SERINC3: variants seen among roughly 807,000 people sequenced by gnomAD.
SERINC3 encodes the protein serine incorporator 3, also known as tumor differentially expressed protein 1.
Under a neutral mutation model 52.1 loss-of-function variants are expected in SERINC3, and 22 were observed. That is an observed-to-expected ratio of 0.42 (90% CI 0.30 to 0.60). SERINC3 has a LOEUF of 0.60. SERINC3 is among the 20% of genes least tolerant of loss of function. SERINC3 has a pLI of 0.16. For synonymous variants in SERINC3, 226 were observed against 212.7 expected (o/e 1.06, Z -0.54); for missense variants, 564 against 584.6 (o/e 0.96, Z 0.36).
At chr20:44,511,228 A>T in intron 4 of SERINC3, 61 bp downstream of exon 4, 1 of 1,235,808 alleles carries the variant, frequency 8.1e-7, no homozygotes, top group Middle Eastern at 1.9e-4. Context: ...ATGTAGCTTT[A>T]ACTCAATCAT....
At chr20:44,521,677 G>T (rs1340188919) in intron 1 of SERINC3, among the ~76,000 whole-genome samples, 2 of 152,220 alleles carry the variant, frequency 1.3e-5, no homozygotes, top group Admixed American at 6.5e-5. Flanking sequence ...GGAGCCATCC[G>T]AATTGTAAAC....
intron 1 of SERINC3, among the ~76,000 whole-genome samples, chr20:44,515,649 GCTT>G (rs1011510083): frequency 1.3e-5 from 2 of 151,604 alleles, no homozygotes; most frequent in Non-Finnish European, 2.9e-5. Flanking sequence ...GCCACTATAC[GCTT>G]TTTTATTTTT....
At chr20:44,511,898 A>G (rs547409862) in intron 3 of SERINC3, among the ~76,000 whole-genome samples, 42 of 152,230 alleles carry the variant, frequency 2.8e-4, no homozygotes, top group Middle Eastern at 6.8e-3. Context: ...CTTAGCTCCA[A>G]CCTCCAACTG....
At chr20:44,504,327 T>G (rs567239598) in intron 7 of SERINC3, among the ~76,000 whole-genome samples, 11 of 152,368 alleles carry the variant, frequency 7.2e-5, no homozygotes, top group South Asian at 6.2e-4. Flanking sequence ...TTTACATAGT[T>G]ACTTAAGAAC....
rs1456431411 is a variant in SERINC3 at position 44,503,971 on chromosome 20, A to G, written c.899T>C (p.Met300Thr). Residue 300 changes from methionine to threonine, a missense_variant, in exon 8 of 10, where the codon ATG becomes ACG. By Grantham distance (81) the Met-to-Thr change is moderately conservative (BLOSUM62 -1). Transcript: ENST00000342374. The part of the protein sequence containing the change: ...EPDRSCNPNL[M>T]SFITRITAPT... ...TGCAGTTATGCGTGTAATAAAGCTC[A>G]TCAGGTTGGGATTGCAGGAACGATC... The G allele has an allele frequency of 2.5e-6, 4 of 1,592,342 alleles. No homozygotes were observed. The highest frequency in any genetic ancestry group is 3.4e-6 in the Non-Finnish European group (4 of 1,173,394).
chr20:44,513,798 A>G, intron 2 of SERINC3, 81 bp downstream of exon 2: 2 of 1,258,212 alleles, frequency 1.6e-6, no homozygotes, highest in South Asian at 1.7e-5. Context: ...AACTTGATTA[A>G]CAACGACGAA....
chr20:44,501,142 T>C lies in SERINC3; in HGVS notation c.1214A>G (p.Tyr405Cys), dbSNP rs1218496203. 1 of 1,613,814 alleles carries C rather than the reference T, an allele frequency of 6.2e-7. No individual in the cohort carries two copies. The highest frequency in any genetic ancestry group is 1.1e-5 in the South Asian group (1 of 91,066). Residue 405 changes from tyrosine (Y) to cysteine (C), a missense_variant, in exon 9 of 10, where the codon TAC (tyrosine) becomes TGC (cysteine). Transcript: ENST00000342374. ...GCAGAGCATGAGGTGGAATAAGGAG[T>C]AGCTATACTGCACTCCCTCTTTCTC... The part of the protein sequence containing the change: ...DNEKEGVQYS[Y>C]SLFHLMLCLA...
In SERINC3 at chr20:44,503,970, C is replaced by A; in HGVS notation, c.900G>T (p.Met300Ile). Residue 300 changes from methionine to isoleucine, a missense_variant, in exon 8 of 10, where the codon ATG (methionine) becomes ATT (isoleucine). Physicochemically the swap from Met to Ile is conservative, Grantham distance 10. Transcript: ENST00000342374. The stretch of plus-strand genomic sequence containing the variant: ...GTGCAGTTATGCGTGTAATAAAGCT[C>A]ATCAGGTTGGGATTGCAGGAACGAT... Reference protein sequence around the residue: ...EPDRSCNPNLMSFITRITAPT... With the variant: ...EPDRSCNPNLISFITRITAPT... 4 of 1,592,522 alleles carry A rather than the reference C, an allele frequency of 2.5e-6. No homozygotes were observed. Among genetic ancestry groups the A allele is most frequent in the Non-Finnish European group, 3.4e-6 (4 of 1,173,534 alleles).
chr20:44,516,546 G>A (rs1251542482), intron 1 of SERINC3, among the ~76,000 whole-genome samples: 2 of 151,686 alleles, frequency 1.3e-5, no homozygotes, highest in South Asian at 2.1e-4. Context: ...TTACAGACAC[G>A]TGCCACCATG....
At chr20:44,505,101 AT>A (rs2064303190) in intron 6 of SERINC3, among the ~76,000 whole-genome samples, 1 of 152,208 alleles carries the variant, frequency 6.6e-6, no homozygotes, top group Non-Finnish European at 1.5e-5. Context: ...TTCTCAACGC[AT>A]TTCACAATCC....
intron 5 of SERINC3, among the ~76,000 whole-genome samples, chr20:44,507,726 AGGCATGGT>A (rs2064323465): frequency 1.3e-5 from 2 of 152,242 alleles, no homozygotes; most frequent in South Asian, 4.1e-4. Flanking sequence ...AAAATCAGCC[AGGCATGGT>A]GGCATAAGGC....
intron 8 of SERINC3, among the ~76,000 whole-genome samples, chr20:44,501,768 T>A (rs1024392560): frequency 6.6e-6 from 1 of 152,260 alleles, no homozygotes; most frequent in Admixed American, 6.5e-5. Flanking sequence ...ATATCACTCC[T>A]ATCTTCCTTG....
chr20:44,500,533 A>T (rs2064273114), intron 9 of SERINC3, 99 bp from the exon 10 acceptor site: 15 of 1,408,978 alleles, frequency 1.1e-5, no homozygotes, highest in Non-Finnish European at 1.5e-5. Flanking sequence ...TTCTCCAGTG[A>T]AACTTGGCTG....
At chr20:44,514,865 C>G (rs1004921808) in intron 1 of SERINC3, among the ~76,000 whole-genome samples, 2 of 152,144 alleles carry the variant, frequency 1.3e-5, no homozygotes, top group African/African-American at 4.8e-5. Context: ...GAACCAGGTT[C>G]CTCAGAAAGT....
chr20:44,520,369 C>G (rs1403145738), intron 1 of SERINC3, among the ~76,000 whole-genome samples: 2 of 152,164 alleles, frequency 1.3e-5, no homozygotes, highest in Admixed American at 6.5e-5. Flanking sequence ...TCCCTCTACA[C>G]CTTGTCTTAC....
At position 44,500,143 on chromosome 20, in the gene SERINC3, T is replaced by G; in HGVS notation, c.*153A>C. The G allele has an allele frequency of 1.3e-6, 1 of 752,726 alleles. No individual in the cohort carries two copies. Among genetic ancestry groups the G allele is most frequent in the Non-Finnish European group, 2.1e-6 (1 of 471,978 alleles). The allele number at this position is 752,726 out of a possible 1,614,324, so 46.6% of individuals were successfully genotyped here. Reference sequence around the variant, plus strand: ...AGAAGTTTCGATTCTGCATCAAGCATTATTCAATCTCACCTTCTGATATAA... The same window carrying G: ...AGAAGTTTCGATTCTGCATCAAGCAGTATTCAATCTCACCTTCTGATATAA... On this transcript the variant is annotated 3_prime_UTR_variant, in exon 10 of 10. Transcript: ENST00000342374.
Position 44,501,260 on chromosome 20 carries a change from G to A in SERINC3, c.1096C>T (p.Leu366=). ...STNSQVDKLT[L]SGSDSVILGD... ...AGGATGACGCTGTCACTCCCTGACA[G>A]GGTCAGCTTGTCTACTTGGCTATTA... The change falls in exon 9 of 10, where the codon CTG becomes TTG. Residue 366 remains leucine (L), a synonymous_variant. Coordinates refer to ENST00000342374, the MANE Select transcript of SERINC3 (RefSeq NM_006811.4). The A allele has an allele frequency of 6.2e-7, 1 of 1,614,164 alleles. No individual in the cohort carries two copies.
chr20:44,510,099 C>T (rs530164333), intron 4 of SERINC3, 71 bp from the exon 5 acceptor site: 1,116 of 1,438,452 alleles, frequency 7.8e-4, no homozygotes, highest in Non-Finnish European at 1.0e-3. Context: ...ACATTCTGAA[C>T]GGATTTCAAT....
chr20:44,506,977 G>A lies in SERINC3; in HGVS notation c.633C>T (p.Ser211=), dbSNP rs200115653. Residue 211 remains serine, a synonymous_variant, in exon 6 of 10, where the codon AGC becomes AGT. Coordinates refer to ENST00000342374, the MANE Select transcript of SERINC3 (RefSeq NM_006811.4). Reference sequence around the variant, plus strand: ...AGATGATTGACAGGATATAAAAGGCGCTTGTGAAAGACAGTAAAGCTGGAG... The same window carrying A: ...AGATGATTGACAGGATATAAAAGGCACTTGTGAAAGACAGTAAAGCTGGAG... ...LWYAALLSFT[S]AFYILSIICV... 2.4e-5 allele frequency: 39 copies of A among 1,601,698 alleles called. No individual in the cohort carries two copies. In the East Asian group the frequency reaches 3.1e-4, roughly 13 times the overall value.
Sources: allele counts gnomAD v4.1 joint callset (sites outside exome capture counted in the v4.1 genomes callset), GRCh38; gene constraint gnomAD v4.1.1; transcripts MANE v1.5; gene names NCBI Gene and HGNC (gene_info 2026-07-23, HGNC 2026-07-21).